Variants in PTPRD observed in about 807,000 individuals in gnomAD.
PTPRD encodes receptor-type tyrosine-protein phosphatase delta.
PTPRD carries 34 observed loss-of-function variants against 214.5 expected under a neutral mutation model. That is an observed-to-expected ratio of 0.16 (90% confidence interval 0.12 to 0.21). The LOEUF is 0.21. Among genes scored for constraint, PTPRD ranks in the 10% least tolerant of loss-of-function variants. The pLI, the probability that PTPRD is intolerant of heterozygous loss-of-function variation, is 1.00. For synonymous variants in PTPRD, 1,128 were observed against 845.7 expected (o/e 1.33, Z -5.79); for missense variants, 2,545 against 2,398.7 (o/e 1.06, Z -1.27).
At chr9:10,548,889 T>C (rs2060718420) in intron 2 of PTPRD, among the ~76,000 whole-genome samples, 1 of 152,170 alleles carries the variant, frequency 6.6e-6, no homozygotes, top group Admixed American at 6.6e-5. Flanking sequence ...AGGACACTGT[T>C]AATGTGCATA....
At chr9:10,554,879 C>G (rs2062141863) in intron 2 of PTPRD, among the ~76,000 whole-genome samples, 1 of 152,154 alleles carries the variant, frequency 6.6e-6, no homozygotes, top group South Asian at 2.1e-4. Context: ...CCAGGATGGT[C>G]TCGATCTCCT....
At chr9:9,622,656 T>C (rs2095285126) in intron 7 of PTPRD, among the ~76,000 whole-genome samples, 1 of 152,154 alleles carries the variant, frequency 6.6e-6, no homozygotes, top group Non-Finnish European at 1.5e-5. Flanking sequence ...GAAAAAAAGT[T>C]CATAAAGTCA....
intron 10 of PTPRD, among the ~76,000 whole-genome samples, chr9:9,041,330 C>T (rs1365220536): frequency 6.6e-6 from 1 of 151,974 alleles, no homozygotes; most frequent in African/African-American, 2.4e-5. Flanking sequence ...AGCCTAGTAC[C>T]CATTAGTTAT....
At chr9:8,388,680 G>A (rs1432256468) in intron 37 of PTPRD, among the ~76,000 whole-genome samples, 1 of 152,174 alleles carries the variant, frequency 6.6e-6, no homozygotes, top group Non-Finnish European at 1.5e-5. Flanking sequence ...TTTTGGAGAA[G>A]TTTAAACTAG....
intron 10 of PTPRD, among the ~76,000 whole-genome samples, chr9:9,025,650 C>A (rs1314265731): frequency 6.6e-6 from 1 of 151,348 alleles, no homozygotes; most frequent in Admixed American, 6.6e-5. Flanking sequence ...TCATGTAACA[C>A]TCACAATAAT....
intron 2 of PTPRD, among the ~76,000 whole-genome samples, chr9:10,569,301 T>C (rs1279836449): frequency 6.6e-6 from 1 of 152,120 alleles, no homozygotes; most frequent in East Asian, 1.9e-4. Flanking sequence ...AGTAAGACTT[T>C]ACTCTTATCT....
intron 3 of PTPRD, among the ~76,000 whole-genome samples, chr9:10,059,456 T>C (rs188635718): frequency 6.6e-6 from 1 of 152,214 alleles, no homozygotes; most frequent in East Asian, 1.9e-4. Flanking sequence ...CTTACAGTAA[T>C]ATGCAAAGGG....
At chr9:9,052,805 G>C (rs2099688861) in intron 10 of PTPRD, among the ~76,000 whole-genome samples, 1 of 152,118 alleles carries the variant, frequency 6.6e-6, no homozygotes, top group Non-Finnish European at 1.5e-5. Flanking sequence ...TGTCACTTGA[G>C]GCACTTGTTT....
chr9:9,499,979 T>C (rs1395748608), intron 8 of PTPRD, among the ~76,000 whole-genome samples: 1 of 152,090 alleles, frequency 6.6e-6, no homozygotes, highest in Admixed American at 6.6e-5. Context: ...AACTGTAAAT[T>C]AATAACAATT....
rs190841882 is a variant in PTPRD, at chr9:8,584,129, G to A, written c.352+49188C>T. ...TGATTGTGCCACTGCATTCCAGCCT[G>A]CACAACAGAGTGAGATCCTGTCTCA... On this transcript the variant is annotated intron_variant, in intron 14 of 45. Transcript: ENST00000381196. Among the ~76,000 whole-genome samples, 808 of 152,166 alleles carry A rather than the reference G, an allele frequency of 5.3e-3. 7 individuals carry two copies. Among genetic ancestry groups the A allele is most frequent in the Middle Eastern group, 0.017 (5 of 294 alleles).
chr9:8,485,629 C>T (rs1054190974), intron 28 of PTPRD, 133 bp downstream of exon 28: 3 of 836,082 alleles, frequency 3.6e-6, no homozygotes, highest in Middle Eastern at 7.3e-4. Flanking sequence ...GTAAGTTTTA[C>T]ATACTTTACC....
At chr9:8,536,581 G>C (rs565936302) in intron 14 of PTPRD, among the ~76,000 whole-genome samples, 2 of 152,002 alleles carry the variant, frequency 1.3e-5, no homozygotes, top group African/African-American at 4.8e-5. Flanking sequence ...GTGTGAAAAG[G>C]CTGATAAATG....
intron 5 of PTPRD, among the ~76,000 whole-genome samples, chr9:9,926,403 A>G (rs1157113931): frequency 6.6e-6 from 1 of 152,146 alleles, no homozygotes; most frequent in African/African-American, 2.4e-5. Flanking sequence ...GAAGGGGATA[A>G]AGCCAGGGAA....
chr9:10,233,755 G>A (rs1051064489), intron 3 of PTPRD, among the ~76,000 whole-genome samples: 6 of 151,818 alleles, frequency 4.0e-5, no homozygotes, highest in Non-Finnish European at 7.4e-5. Flanking sequence ...TATTCAGCTT[G>A]GGAATTCGTA....
At chr9:10,133,720 G>T (rs992257231) in intron 3 of PTPRD, among the ~76,000 whole-genome samples, 1 of 152,030 alleles carries the variant, frequency 6.6e-6, no homozygotes, top group Non-Finnish European at 1.5e-5. Context: ...ATTAGTATGT[G>T]CCTGTTTTAA....
chr9:8,636,674 A>G (rs759716469), intron 13 of PTPRD, 25 bp downstream of exon 13: 24 of 1,611,046 alleles, frequency 1.5e-5, no homozygotes, highest in Non-Finnish European at 2.0e-5. Context: ...CTTCCCCCAG[A>G]GAAACAGAAC....
intron 35 of PTPRD, among the ~76,000 whole-genome samples, chr9:8,426,131 A>G (rs1590095934): frequency 1.3e-5 from 2 of 152,328 alleles, no homozygotes; most frequent in East Asian, 3.9e-4. Context: ...GAAGTTCACA[A>G]TAACAAGAGC....
chr9:8,374,929 T>G (rs2082767668), intron 39 of PTPRD, among the ~76,000 whole-genome samples: 1 of 151,872 alleles, frequency 6.6e-6, no homozygotes, highest in African/African-American at 2.4e-5. Context: ...TTTTCTAGGG[T>G]CTACTGTATT....
chr9:10,393,799 C>A (rs1228455783), intron 2 of PTPRD, among the ~76,000 whole-genome samples: 6 of 147,886 alleles, frequency 4.1e-5, no homozygotes, highest in Non-Finnish European at 7.4e-5. Context: ...AATATGTAAC[C>A]TTCTTTACTT....
Sources: allele counts gnomAD v4.1 joint callset (sites outside exome capture counted in the v4.1 genomes callset), GRCh38; gene constraint gnomAD v4.1.1; transcripts MANE v1.5; gene names NCBI Gene and HGNC (gene_info 2026-07-23, HGNC 2026-07-21).